The following STYK1 variants were observed in gnomAD, a reference collection of about 807,000 sequenced individuals.
The protein encoded by STYK1 is tyrosine-protein kinase STYK1.
STYK1 carries 46 observed loss-of-function variants against 48.1 expected under a neutral mutation model. The observed-to-expected ratio is 0.96, with a 90% CI of 0.75 to 1.22. The LOEUF is 1.22. Among genes scored for constraint, STYK1 ranks in the 50% most tolerant of loss-of-function variants. The pLI is 0.00. For synonymous variants in STYK1, 188 were observed against 189.0 expected, an observed-to-expected ratio of 0.99 and a Z score of 0.04; for missense variants, 527 against 521.1, an observed-to-expected ratio of 1.01 and a Z score of -0.11.
chr12:10,625,924 C>A (rs77985991), intron 7 of STYK1, among the ~76,000 whole-genome samples: 1,755 of 152,120 alleles, frequency 0.012, 30 homozygotes, highest in African/African-American at 0.04. Flanking sequence ...AGCCATGGCA[C>A]CCTATGATAA....
At chr12:10,657,455 T>C (rs970118340) in intron 1 of STYK1, among the ~76,000 whole-genome samples, 1 of 152,224 alleles carries the variant, frequency 6.6e-6, no homozygotes, top group Non-Finnish European at 1.5e-5. Context: ...AAAACTGTAA[T>C]GCTTTTTAGT....
intron 7 of STYK1, among the ~76,000 whole-genome samples, chr12:10,625,522 C>T (rs368269531): frequency 1.3e-5 from 2 of 152,100 alleles, no homozygotes; most frequent in South Asian, 4.1e-4. Flanking sequence ...CGGCCTGATT[C>T]CAAGTTTCTA....
chr12:10,672,620 T>C lies in STYK1; in HGVS notation c.-195+1346A>G, dbSNP rs924404587. ...AGGTTGCGAACTCCTTATGAGACTC[T>C]AATGCCTGATGACGTAAGGTGGAAC... On this transcript the variant is annotated intron_variant, in intron 1 of 10. Transcript: ENST00000075503. The surrounding 1 kb of genome is among the most constrained non-coding windows in gnomAD (Gnocchi z 4.0). Among the ~76,000 whole-genome samples, 1 of 152,192 alleles carries C rather than the reference T, an allele frequency of 6.6e-6. No individual in the cohort carries two copies. The highest frequency in any genetic ancestry group is 1.5e-5 in the Non-Finnish European group (1 of 68,038).
chr12:10,620,065 G>T lies in STYK1; in HGVS notation c.*79C>A. 1 of 1,507,264 alleles carries T rather than the reference G, an allele frequency of 6.6e-7. No homozygotes were observed. The highest frequency in any genetic ancestry group is 9.2e-7 in the Non-Finnish European group (1 of 1,087,582). The allele number at this position is 1,507,264 out of a possible 1,614,324, so 93.4% of individuals were successfully genotyped here. On this transcript the variant is annotated 3_prime_UTR_variant, in exon 11 of 11. Transcript: ENST00000075503. The stretch of plus-strand genomic sequence containing the variant: ...CCCATTTCTCCCTTTGTGTCCCTGG[G>T]AAAGACCATTCTCTGTTCTTAGAGG...
At position 10,637,221 on chromosome 12, in the gene STYK1, G is replaced by A. The variant is rs924294053; in HGVS notation, c.-194-25C>T. On this transcript the variant is annotated intron_variant, in intron 1 of 10. Coordinates refer to ENST00000075503, the MANE Select transcript of STYK1 (RefSeq NM_018423.3). Reference sequence around the variant, plus strand: ...GCTAGAGCAAGGAGATAAATGTATAGAATGATGAGGTCCACCCAATGAAAT... The same window carrying A: ...GCTAGAGCAAGGAGATAAATGTATAAAATGATGAGGTCCACCCAATGAAAT... 2 of 152,144 alleles carry A rather than the reference G, an allele frequency of 1.3e-5. 1 individual carries two copies. The highest frequency in any genetic ancestry group is 4.1e-4 in the South Asian group (2 of 4,832). The allele number at this position is 152,144 out of a possible 1,614,324, so 9.4% of individuals were successfully genotyped here. A position where few individuals can be genotyped will look rare whatever the true frequency, so the allele number is the denominator to read the frequency against.
At chr12:10,625,488 A>AT in intron 7 of STYK1, among the ~76,000 whole-genome samples, 1 of 152,294 alleles carries the variant, frequency 6.6e-6, no homozygotes, top group Middle Eastern at 3.4e-3. Flanking sequence ...AAGTGCTGGG[A>AT]TTACAGGCAT....
chr12:10,662,025 C>A (rs934963798), intron 1 of STYK1, among the ~76,000 whole-genome samples: 1 of 152,140 alleles, frequency 6.6e-6, no homozygotes, highest in Non-Finnish European at 1.5e-5. Flanking sequence ...CTACTCTGCT[C>A]CCTTCCCTAG....
Position 10,619,825 on chromosome 12 carries a change from C to T in STYK1, c.*319G>A, listed in dbSNP as rs1167124145. 7 of 416,674 alleles carry T rather than the reference C, an allele frequency of 1.7e-5. No homozygotes were observed. Among genetic ancestry groups the T allele is most frequent in the South Asian group, 1.0e-4 (1 of 9,704 alleles). The allele number at this position is 416,674 out of a possible 1,614,324, so 25.8% of individuals were successfully genotyped here. A position where few individuals can be genotyped will look rare whatever the true frequency, so the allele number is the denominator to read the frequency against. On this transcript the variant is annotated 3_prime_UTR_variant, in exon 11 of 11. Coordinates refer to ENST00000075503, the MANE Select transcript of STYK1 (RefSeq NM_018423.3). The stretch of plus-strand genomic sequence containing the variant: ...GGTTCCAGAGGAAACTAGCCTCGGA[C>T]GGGAGGGATGAGCTTATTTGTGCCA...
intron 5 of STYK1, among the ~76,000 whole-genome samples, chr12:10,629,877 A>G (rs143312523): frequency 1.3e-5 from 2 of 152,356 alleles, no homozygotes; most frequent in Non-Finnish European, 2.9e-5. Flanking sequence ...ACACAGAATC[A>G]TAATTATTAG....
chr12:10,638,678 C>T (rs900201523), intron 1 of STYK1, among the ~76,000 whole-genome samples: 1 of 152,148 alleles, frequency 6.6e-6, no homozygotes, highest in Non-Finnish European at 1.5e-5. Context: ...TACAGTCTCC[C>T]GGACACAATC....
Position 10,634,053 on chromosome 12 carries a change from C to T in STYK1, c.124G>A (p.Gly42Arg), listed in dbSNP as rs1947458729. 1 of 1,614,066 alleles carries T rather than the reference C, an allele frequency of 6.2e-7. No individual in the cohort carries two copies. Among genetic ancestry groups the T allele is most frequent in the Non-Finnish European group, 8.5e-7 (1 of 1,180,008 alleles). Reference protein sequence around the residue: ...LLVTIFLILLGVILWLFIREQ... With the variant: ...LLVTIFLILLRVILWLFIREQ... The stretch of plus-strand genomic sequence containing the variant: ...CTGATAAAAAGCCACAGGATGACCC[C>T]AAGAAGGATGAGGAAGATAGTAACC... Residue 42 changes from glycine (G) to arginine (R), a missense_variant, in exon 4 of 11, where the codon GGG becomes AGG. Transcript: ENST00000075503.
At chr12:10,625,470 G>C (rs933064160) in intron 7 of STYK1, among the ~76,000 whole-genome samples, 1 of 152,084 alleles carries the variant, frequency 6.6e-6, no homozygotes, top group African/African-American at 2.4e-5. Context: ...GCCCTCCTCG[G>C]CCTCCCAAAG....
intron 1 of STYK1, among the ~76,000 whole-genome samples, chr12:10,661,253 A>G (rs1457366782): frequency 6.6e-6 from 1 of 152,216 alleles, no homozygotes; most frequent in East Asian, 1.9e-4. Flanking sequence ...ACAAATATAT[A>G]TTAAGTGCTG....
chr12:10,625,734 T>C (rs1947352433), intron 7 of STYK1, among the ~76,000 whole-genome samples: 1 of 152,226 alleles, frequency 6.6e-6, no homozygotes, highest in African/African-American at 2.4e-5. Flanking sequence ...ATTCATAGGA[T>C]GTACTATATA....
In STYK1 at chr12:10,634,588, T is replaced by G; in HGVS notation, c.31A>C (p.Ser11Arg). 1 of 1,614,188 alleles carries G rather than the reference T, an allele frequency of 6.2e-7. No individual in the cohort carries two copies. The highest frequency in any genetic ancestry group is 8.5e-7 in the Non-Finnish European group (1 of 1,180,014). ...TTACCACACAACTTGTCACTGAGACTGCATTCCAGGAGCATCCGTGTCATG... is the reference window on the plus strand; with the variant it reads ...TTACCACACAACTTGTCACTGAGACGGCATTCCAGGAGCATCCGTGTCATG... MGMTRMLLEC[S>R]LSDKLCVIQE... Residue 11 changes from serine (S) to arginine (R), a missense_variant, in exon 3 of 11, where the codon AGT becomes CGT. Coordinates refer to ENST00000075503, the MANE Select transcript of STYK1 (RefSeq NM_018423.3).
Position 10,620,161 on chromosome 12 carries a change from T to G in STYK1, c.1252A>C (p.Asn418His). ...GAGACTCTTCAAAGCATGCTATAGT[T>G]GTAGAAGAGGCTCTCCACTCTGATG... is the stretch of plus-strand genomic sequence containing the variant. Reference protein sequence around the residue: ...AGIRVESLFYNYSML With the variant: ...AGIRVESLFYHYSML The change falls in exon 11 of 11, where the codon AAC (asparagine) becomes CAC (histidine). Residue 418 changes from asparagine (N) to histidine (H), a missense_variant. Physicochemically the swap from Asn to His is moderately conservative, Grantham distance 68. Coordinates refer to ENST00000075503, the MANE Select transcript of STYK1 (RefSeq NM_018423.3). The G allele has an allele frequency of 6.2e-7, 1 of 1,614,212 alleles. No individual in the cohort carries two copies. The highest frequency in any genetic ancestry group is 8.5e-7 in the Non-Finnish European group (1 of 1,180,042).
chr12:10,650,812 C>T (rs1016315359), intron 1 of STYK1, among the ~76,000 whole-genome samples: 1 of 151,816 alleles, frequency 6.6e-6, no homozygotes, highest in African/African-American at 2.4e-5. Flanking sequence ...ACCAGCCTGG[C>T]CAACATGGCA....
chr12:10,637,761 C>T (rs1273406872), intron 1 of STYK1, among the ~76,000 whole-genome samples: 1 of 152,214 alleles, frequency 6.6e-6, no homozygotes, highest in Admixed American at 6.5e-5. Flanking sequence ...CTTATATTTA[C>T]TTGTAACAGC....
intron 6 of STYK1, 59 bp from the exon 7 acceptor site, chr12:10,627,783 GA>G: frequency 6.9e-7 from 1 of 1,450,564 alleles, no homozygotes; most frequent in Non-Finnish European, 9.5e-7. Flanking sequence ...ATTTGGAAAA[GA>G]AATAAAGTTG....
Sources: allele counts gnomAD v4.1 joint callset (sites outside exome capture counted in the v4.1 genomes callset), GRCh38; gene constraint gnomAD v4.1.1; non-coding constraint Gnocchi (gnomAD v3.1); transcripts MANE v1.5; gene names NCBI Gene and HGNC (gene_info 2026-07-23, HGNC 2026-07-21).